The following ST18 variants were observed in gnomAD, a reference collection of about 807,000 sequenced individuals.
ST18 encodes ST18 C2H2C-type zinc finger transcription factor, also known as suppression of tumorigenicity 18 protein.
ST18 carries 50 observed loss-of-function variants against 110.0 expected under a neutral mutation model. The observed-to-expected ratio is 0.45, with a 90% CI of 0.36 to 0.58. ST18 has a LOEUF of 0.58. Among genes scored for constraint, ST18 ranks in the 20% least tolerant of loss-of-function variants. The pLI, the probability that ST18 is intolerant of heterozygous loss-of-function variation, is 0.00. For synonymous variants in ST18, 461 were observed against 452.4 expected (o/e 1.02, Z -0.24); for missense variants, 1,306 against 1,280.1 (o/e 1.02, Z -0.31).
chr8:52,231,724 C>T (rs1346221249), intron 2 of ST18, among the ~76,000 whole-genome samples: 3 of 152,194 alleles, frequency 2.0e-5, no homozygotes, highest in Non-Finnish European at 4.4e-5. Flanking sequence ...ATCCGCCAGC[C>T]GCGGCCTCCC....
chr8:52,376,232 A>G (rs2140733642), intron 2 of ST18, among the ~76,000 whole-genome samples: 1 of 152,272 alleles, frequency 6.6e-6, no homozygotes, highest in East Asian at 1.9e-4. Flanking sequence ...AGTGACCTCT[A>G]AGGGACCGTG....
intron 2 of ST18, among the ~76,000 whole-genome samples, chr8:52,298,123 C>T (rs978426989): frequency 5.3e-5 from 8 of 152,196 alleles, no homozygotes; most frequent in African/African-American, 1.9e-4. Context: ...CCCCGGCCTT[C>T]AGCTAGAGGG....
At chr8:52,155,763 A>G (rs886616864) in intron 15 of ST18, among the ~76,000 whole-genome samples, 1 of 152,194 alleles carries the variant, frequency 6.6e-6, no homozygotes, top group Non-Finnish European at 1.5e-5. Context: ...GATCATTTGC[A>G]ATTTTACAAA....
intron 14 of ST18, among the ~76,000 whole-genome samples, chr8:52,159,824 C>T (rs1357277793): frequency 6.6e-6 from 1 of 152,046 alleles, no homozygotes; most frequent in Non-Finnish European, 1.5e-5. Context: ...GTTGTGGGTA[C>T]CAAGGCATTA....
chr8:52,115,969 A>G (rs1437150848), intron 25 of ST18, among the ~76,000 whole-genome samples: 1 of 152,058 alleles, frequency 6.6e-6, no homozygotes, highest in Non-Finnish European at 1.5e-5. Flanking sequence ...TTGGAAATAC[A>G]TTTTCACTGA....
intron 2 of ST18, among the ~76,000 whole-genome samples, chr8:52,287,053 CAA>C (rs1324311475): frequency 3.3e-5 from 5 of 152,116 alleles, no homozygotes; most frequent in Admixed American, 6.5e-5. Context: ...ATTTTTTATA[CAA>C]AGACTGTTCC....
At chr8:52,218,816 C>T (rs974024811) in intron 5 of ST18, among the ~76,000 whole-genome samples, 3 of 152,012 alleles carry the variant, frequency 2.0e-5, no homozygotes, top group African/African-American at 4.8e-5. Context: ...GTGGTTCTGT[C>T]GCTGTGTTAC....
chr8:52,371,638 A>G (rs1428154338), intron 2 of ST18, among the ~76,000 whole-genome samples: 2 of 152,214 alleles, frequency 1.3e-5, no homozygotes, highest in African/African-American at 2.4e-5. Flanking sequence ...GATAAGCTCA[A>G]CGCTTTTCCA....
chr8:52,155,907 G>T (rs1246342227), intron 15 of ST18, among the ~76,000 whole-genome samples: 1 of 152,154 alleles, frequency 6.6e-6, no homozygotes, highest in Non-Finnish European at 1.5e-5. Context: ...ATGTCAAAAA[G>T]ATTGTGCCCA....
At chr8:52,214,072 G>T in intron 7 of ST18, 131 bp downstream of exon 7, 1 of 974,058 alleles carries the variant, frequency 1.0e-6, no homozygotes, top group Non-Finnish European at 1.6e-6. Context: ...CCAGTGTCCT[G>T]GCTTGATTTG....
intron 3 of ST18, among the ~76,000 whole-genome samples, chr8:52,222,407 C>G (rs143634485): frequency 6.6e-6 from 1 of 152,180 alleles, no homozygotes; most frequent in African/African-American, 2.4e-5. Context: ...ACAGCCCGGC[C>G]GTTTGCTGTC....
At chr8:52,136,724 T>C (rs2052536345) in intron 18 of ST18, 66 bp from the exon 19 acceptor site, 2 of 1,366,844 alleles carry the variant, frequency 1.5e-6, no homozygotes, top group East Asian at 4.9e-5. Context: ...TCAAATGGCA[T>C]CCTGAGTCGT....
chr8:52,206,632 T>C (rs1376701800), intron 8 of ST18: 1 of 152,218 alleles, frequency 6.6e-6, no homozygotes, highest in Non-Finnish European at 1.5e-5. Flanking sequence ...CTCTTCTAAA[T>C]TAATTTTTAT....
intron 2 of ST18, chr8:52,406,082 G>A (rs1844380772): frequency 2.0e-5 from 3 of 152,144 alleles, no homozygotes; most frequent in Admixed American, 2.0e-4. Context: ...TTAGTCACTA[G>A]TAAATTAGCT....
rs1243912965 is a variant in ST18, at chr8:52,161,421, A to G, written c.1548T>C (p.Pro516=). Reference sequence around the variant, plus strand: ...TTCGTCCTTGCACTGTTTGTATGAGAGGGCGTTTACCGAAAACTTGGGCAT... The same window carrying G: ...TTCGTCCTTGCACTGTTTGTATGAGGGGGCGTTTACCGAAAACTTGGGCAT... ...SFDAQVFGKR[P]LIQTVQGRKT... is the part of the protein sequence containing the mutation. Residue 516 remains proline (P), a synonymous_variant, in exon 14 of 26, where the codon CCT becomes CCC. Transcript: ENST00000689386. 4 of 1,614,212 alleles carry G rather than the reference A, an allele frequency of 2.5e-6. No homozygotes were observed. Among genetic ancestry groups the G allele is most frequent in the Non-Finnish European group, 3.4e-6 (4 of 1,180,044 alleles).
intron 2 of ST18, among the ~76,000 whole-genome samples, chr8:52,345,294 A>G (rs1017480874): frequency 3.9e-5 from 6 of 152,296 alleles, no homozygotes; most frequent in Admixed American, 2.0e-4. Context: ...TTTGTCTCTT[A>G]TCCTTCCTGA....
At chr8:52,272,991 A>G (rs2095125613) in intron 2 of ST18, among the ~76,000 whole-genome samples, 1 of 152,198 alleles carries the variant, frequency 6.6e-6, no homozygotes, top group African/African-American at 2.4e-5. Flanking sequence ...GCTATACAAC[A>G]CTGTACCTAG....
At chr8:52,216,316 C>A (rs1226201271) in intron 6 of ST18, among the ~76,000 whole-genome samples, 1 of 152,150 alleles carries the variant, frequency 6.6e-6, no homozygotes, top group East Asian at 1.9e-4. Context: ...TATTCATGGA[C>A]CTCCCTTTGA....
intron 2 of ST18, among the ~76,000 whole-genome samples, chr8:52,328,431 G>A (rs1807501140): frequency 6.6e-6 from 1 of 152,112 alleles, no homozygotes; most frequent in Non-Finnish European, 1.5e-5. Context: ...GAATAATGAT[G>A]GTGATAATAA....
Sources: allele counts gnomAD v4.1 joint callset (sites outside exome capture counted in the v4.1 genomes callset), GRCh38; gene constraint gnomAD v4.1.1; transcripts MANE v1.5; gene names NCBI Gene and HGNC (gene_info 2026-07-23, HGNC 2026-07-21).